The following ARMC1 variants were observed in gnomAD, a reference collection of about 807,000 sequenced individuals.
The protein encoded by ARMC1 is armadillo repeat-containing protein 1.
ARMC1 carries 16 observed loss-of-function variants against 31.4 expected under a neutral mutation model. The ratio of observed to expected loss-of-function variants is 0.51; its 90% CI spans 0.34 to 0.77. The LOEUF is 0.77. Among genes scored for constraint, ARMC1 ranks in the 30% least tolerant of loss-of-function variants. The pLI is 0.01. For synonymous variants in ARMC1, 114 were observed against 118.9 expected, an observed-to-expected ratio of 0.96 and a Z score of 0.27; for missense variants, 259 against 347.5, an observed-to-expected ratio of 0.75 and a Z score of 2.02.
intron 4 of ARMC1, among the ~76,000 whole-genome samples, chr8:65,612,253 G>C (rs964114364): frequency 2.0e-5 from 3 of 152,098 alleles, no homozygotes; most frequent in Non-Finnish European, 4.4e-5. Flanking sequence ...GTTGAGGCCA[G>C]GAGTCTGAGA....
intron 3 of ARMC1, among the ~76,000 whole-genome samples, chr8:65,615,742 T>C (rs1432233015): frequency 3.3e-5 from 5 of 151,200 alleles, no homozygotes; most frequent in Non-Finnish European, 7.4e-5. Context: ...TAAAATAAAA[T>C]AAAGTAGCCA....
In ARMC1 at chr8:65,605,317, T is replaced by C. The variant is rs1807979819; in HGVS notation, c.603A>G (p.Ala201=). Residue 201 remains alanine (A), a synonymous_variant, in exon 6 of 7, where the codon GCA becomes GCG. Transcript: ENST00000276569. ...LKAEALASAI[A]STKVMKAQQV... is the part of the protein sequence containing the mutation. ...GCTGAGCTTTCATAACCTTGGTTGATGCTATTGCTGATGCCAAAGCCTAAG... is the reference window on the plus strand; with the variant it reads ...GCTGAGCTTTCATAACCTTGGTTGACGCTATTGCTGATGCCAAAGCCTAAG... 6.2e-7 allele frequency: 1 copy of C among 1,613,884 alleles called. No homozygotes were observed. Among genetic ancestry groups the C allele is most frequent in the Non-Finnish European group, 8.5e-7 (1 of 1,179,984 alleles).
At chr8:65,622,119 A>G in intron 3 of ARMC1, 144 bp downstream of exon 3, 1 of 627,092 alleles carries the variant, frequency 1.6e-6, no homozygotes, top group Non-Finnish European at 2.8e-6. Context: ...CAATAATAGT[A>G]GTAATCATGC....
chr8:65,623,954 C>T (rs1029906395), intron 2 of ARMC1, among the ~76,000 whole-genome samples: 4 of 150,962 alleles, frequency 2.6e-5, no homozygotes, highest in East Asian at 2.0e-4. Context: ...CCAGCCACCA[C>T]GCCTGGCTAA....
In ARMC1 at chr8:65,603,727, C is replaced by T. The variant is rs1025349800; in HGVS notation, c.*667G>A. The T allele has an allele frequency of 2.6e-5, 4 of 152,206 alleles. No homozygotes were observed. Among genetic ancestry groups the T allele is most frequent in the African/African-American group, 9.7e-5 (4 of 41,446 alleles). 9.4% of individuals were successfully genotyped at this position (152,206 alleles called of 1,614,324 possible). ...ACTTCACTAATATACATGTTTCCTTCTTGACTGATTTTGTGTTAATTTTAT... is the reference window on the plus strand; with the variant it reads ...ACTTCACTAATATACATGTTTCCTTTTTGACTGATTTTGTGTTAATTTTAT... On this transcript the variant is annotated 3_prime_UTR_variant, in exon 7 of 7. Coordinates refer to ENST00000276569, the MANE Select transcript of ARMC1 (RefSeq NM_018120.6).
chr8:65,604,109 A>G lies in ARMC1; in HGVS notation c.*285T>C, dbSNP rs1423543727. On this transcript the variant is annotated 3_prime_UTR_variant, in exon 7 of 7. Coordinates refer to ENST00000276569, the MANE Select transcript of ARMC1 (RefSeq NM_018120.6). ...ATAAAATGTAAAGCTGCACATACACATGTGGTTTTAACAGTGGACCCATGG... is the reference window on the plus strand; with the variant it reads ...ATAAAATGTAAAGCTGCACATACACGTGTGGTTTTAACAGTGGACCCATGG... 4 of 268,316 alleles carry G rather than the reference A, an allele frequency of 1.5e-5. No homozygotes were observed. 16.6% of individuals were successfully genotyped at this position (268,316 alleles called of 1,614,324 possible). A position where few individuals can be genotyped will look rare whatever the true frequency, so the allele number is the denominator to read the frequency against.
chr8:65,605,144 A>G (rs951287687), intron 6 of ARMC1, 119 bp downstream of exon 6: 16 of 819,768 alleles, frequency 2.0e-5, no homozygotes, highest in Non-Finnish European at 3.0e-5. Context: ...ACTGTTAACC[A>G]AGAAACAGCA....
intron 4 of ARMC1, 126 bp downstream of exon 4, chr8:65,613,118 C>A: frequency 1.5e-6 from 1 of 679,008 alleles, no homozygotes; most frequent in South Asian, 3.3e-5. Context: ...ACCTCTTTAG[C>A]ACAAAATGAC....
chr8:65,607,288 C>T (rs1022118434), intron 4 of ARMC1, among the ~76,000 whole-genome samples: 4 of 152,236 alleles, frequency 2.6e-5, no homozygotes, highest in African/African-American at 9.6e-5. Context: ...ATGTTTATCT[C>T]TTCCACATAT....
intron 4 of ARMC1, among the ~76,000 whole-genome samples, chr8:65,610,136 C>T (rs1243714208): frequency 6.6e-6 from 1 of 151,948 alleles, no homozygotes; most frequent in African/African-American, 2.4e-5. Context: ...CTCGCCCTGT[C>T]GCCCAGGCTG....
rs1279195785 is a variant in ARMC1 at position 65,622,298 on chromosome 8, C to A, written c.240G>T (p.Leu80=). The change falls in exon 3 of 7, where the codon CTG becomes CTT. Residue 80 remains leucine (L), a synonymous_variant. Coordinates refer to ENST00000276569, the MANE Select transcript of ARMC1 (RefSeq NM_018120.6). ...CATTTTGTAAGCTCAACATCATACCCAGTTCTCCTTTCATCTTTTCTCTGT... is the reference window on the plus strand; with the variant it reads ...CATTTTGTAAGCTCAACATCATACCAAGTTCTCCTTTCATCTTTTCTCTGT... ...RANREKMKGE[L]GMMLSLQNVI... is the part of the protein sequence containing the mutation. 3 of 1,613,972 alleles carry A rather than the reference C, an allele frequency of 1.9e-6. No individual in the cohort carries two copies. The African/African-American group carries it at 4.0e-5, about 22-fold the overall frequency.
At chr8:65,608,401 T>G (rs1808049233) in intron 4 of ARMC1, among the ~76,000 whole-genome samples, 1 of 151,490 alleles carries the variant, frequency 6.6e-6, no homozygotes, top group Non-Finnish European at 1.5e-5. Flanking sequence ...TGGTGGTGGG[T>G]GCCTGTAATC....
At chr8:65,619,335 C>A (rs549917695) in intron 3 of ARMC1, among the ~76,000 whole-genome samples, 1 of 151,890 alleles carries the variant, frequency 6.6e-6, no homozygotes, top group South Asian at 2.1e-4. Flanking sequence ...GCCACGAGTT[C>A]GAGACCAGCC....
intron 1 of ARMC1, among the ~76,000 whole-genome samples, chr8:65,628,694 C>T (rs1808569360): frequency 6.7e-6 from 1 of 149,730 alleles, no homozygotes; most frequent in Non-Finnish European, 1.5e-5. Flanking sequence ...CCCATCTCTA[C>T]TAAAAATACA....
chr8:65,616,510 T>G (rs989592199), intron 3 of ARMC1, among the ~76,000 whole-genome samples: 7 of 152,304 alleles, frequency 4.6e-5, no homozygotes, highest in Middle Eastern at 6.8e-3. Context: ...CCGCCTGCCT[T>G]GGCCTCCCAA....
intron 3 of ARMC1, among the ~76,000 whole-genome samples, chr8:65,617,015 C>T (rs1444240381): frequency 1.3e-5 from 2 of 150,886 alleles, no homozygotes; most frequent in South Asian, 4.2e-4. Flanking sequence ...GGGCAGCCCC[C>T]GCCCGGCCAG....
intron 3 of ARMC1, among the ~76,000 whole-genome samples, chr8:65,614,328 A>G (rs1029113114): frequency 2.0e-5 from 3 of 152,224 alleles, no homozygotes; most frequent in African/African-American, 7.2e-5. Flanking sequence ...GTGCTGTCCA[A>G]TAATCTTTCT....
intron 2 of ARMC1, among the ~76,000 whole-genome samples, chr8:65,626,770 C>T (rs940696503): frequency 6.6e-6 from 1 of 152,002 alleles, no homozygotes; most frequent in African/African-American, 2.4e-5. Context: ...GCTGTAATTC[C>T]AACACTTTGG....
At chr8:65,623,784 A>ATTT (rs1185022030) in intron 2 of ARMC1, among the ~76,000 whole-genome samples, 2 of 47,214 alleles carry the variant, frequency 4.2e-5, no homozygotes, top group African/African-American at 9.8e-5. Flanking sequence ...ACAAAGTAAA[A>ATTT]TCTTTTTTTT....
Sources: allele counts gnomAD v4.1 joint callset (sites outside exome capture counted in the v4.1 genomes callset), GRCh38; gene constraint gnomAD v4.1.1; transcripts MANE v1.5; gene names NCBI Gene and HGNC (gene_info 2026-07-23, HGNC 2026-07-21).